CREM: variants seen among roughly 807,000 people sequenced by gnomAD.
CREM encodes the protein cAMP-responsive element modulator.
In CREM, 13 loss-of-function variants were observed where a neutral mutation model predicts 37.3. The ratio of observed to expected loss-of-function variants is 0.35; its 90% confidence interval spans 0.23 to 0.55. The LOEUF (loss-of-function observed/expected upper bound fraction) is 0.55. Among genes scored for constraint, CREM ranks in the 20% least tolerant of loss-of-function variants. CREM has a pLI of 0.88. For missense variants in CREM, 296 were observed against 362.3 expected (o/e 0.82, Z 1.49); for synonymous variants, 124 against 120.2 (o/e 1.03, Z -0.21).
intron 2 of CREM, among the ~76,000 whole-genome samples, chr10:35,139,227 T>G (rs572483766): frequency 1.1e-4 from 17 of 152,126 alleles, no homozygotes; most frequent in Non-Finnish European, 2.2e-4. Context: ...TTCAAGTGAT[T>G]CTTGTGCCTC....
chr10:35,211,641 T>C lies in CREM; in HGVS notation c.*243T>C. The stretch of plus-strand genomic sequence containing the variant: ...AAAAATGCTTTGTTTGCCCTTTGCT[T>C]CTGCTTTTTTTCAGGGAAGCTGCCA... On this transcript the variant is annotated 3_prime_UTR_variant, in exon 8 of 8. Transcript: ENST00000685392. 3 of 1,608,242 alleles carry C rather than the reference T, an allele frequency of 1.9e-6. No homozygotes were observed. The highest frequency in any genetic ancestry group is 2.5e-6 in the Non-Finnish European group (3 of 1,178,094).
intron 6 of CREM, chr10:35,201,317 TAAG>T (rs751102533): frequency 5.5e-5 from 48 of 874,834 alleles, no homozygotes; most frequent in Middle Eastern, 2.2e-4. Context: ...TTTCAGAACT[TAAG>T]GAGGGGAAGA....
At chr10:35,147,755 A>G (rs932695716) in intron 2 of CREM, among the ~76,000 whole-genome samples, 2 of 152,244 alleles carry the variant, frequency 1.3e-5, no homozygotes, top group South Asian at 4.1e-4. Flanking sequence ...CAGCAGGGTT[A>G]AAGTAATGAT....
chr10:35,169,857 G>C (rs1240658270), intron 3 of CREM, among the ~76,000 whole-genome samples: 1 of 151,796 alleles, frequency 6.6e-6, no homozygotes, highest in Non-Finnish European at 1.5e-5. Flanking sequence ...TAATCATGTG[G>C]TTTTTGTCTT....
At chr10:35,134,454 C>G (rs993211472) in intron 1 of CREM, among the ~76,000 whole-genome samples, 1 of 152,026 alleles carries the variant, frequency 6.6e-6, no homozygotes, top group Non-Finnish European at 1.5e-5. Context: ...TGACCTCAGG[C>G]GATCTGCCCG....
chr10:35,171,678 C>G (rs147217138), intron 3 of CREM, among the ~76,000 whole-genome samples: 42 of 152,282 alleles, frequency 2.8e-4, no homozygotes, highest in African/African-American at 9.9e-4. Flanking sequence ...ACCCACAGGT[C>G]TAGTTTGTGA....
At chr10:35,205,600 T>G (rs2095500549) in intron 6 of CREM, among the ~76,000 whole-genome samples, 1 of 152,210 alleles carries the variant, frequency 6.6e-6, no homozygotes, top group Non-Finnish European at 1.5e-5. Context: ...GGAGATATTC[T>G]GCTTAATGGA....
chr10:35,140,783 A>G (rs955832339), intron 2 of CREM, among the ~76,000 whole-genome samples: 3 of 152,224 alleles, frequency 2.0e-5, no homozygotes, highest in Non-Finnish European at 2.9e-5. Context: ...TGCCAGTTGG[A>G]CAAAGAAGGG....
intron 1 of CREM, among the ~76,000 whole-genome samples, chr10:35,134,888 AT>A (rs1353278823): frequency 6.6e-6 from 1 of 151,922 alleles, no homozygotes; most frequent in African/African-American, 2.4e-5. Flanking sequence ...AAATACAAAA[AT>A]TAGCCGAGCA....
intron 6 of CREM, among the ~76,000 whole-genome samples, chr10:35,198,190 T>C (rs2095270412): frequency 6.6e-6 from 1 of 152,078 alleles, no homozygotes; most frequent in Non-Finnish European, 1.5e-5. Flanking sequence ...GGAAAAGATA[T>C]TAGCAGCATT....
intron 2 of CREM, among the ~76,000 whole-genome samples, chr10:35,145,538 T>C (rs183489497): frequency 6.6e-6 from 1 of 152,286 alleles, no homozygotes; most frequent in Non-Finnish European, 1.5e-5. Context: ...CCCAGCACTT[T>C]GGGAGGCCAA....
At chr10:35,180,474 G>A (rs2094306752) in intron 5 of CREM, among the ~76,000 whole-genome samples, 1 of 152,136 alleles carries the variant, frequency 6.6e-6, no homozygotes, top group Non-Finnish European at 1.5e-5. Flanking sequence ...TAGATTTGCA[G>A]TAGTAAACTA....
At chr10:35,165,701 G>A (rs1023558688) in intron 3 of CREM, among the ~76,000 whole-genome samples, 2 of 151,028 alleles carry the variant, frequency 1.3e-5, no homozygotes, top group East Asian at 1.9e-4. Flanking sequence ...CATTTTTATA[G>A]TACTTTAATA....
chr10:35,200,808 A>C (rs1451942727), intron 6 of CREM, among the ~76,000 whole-genome samples: 1 of 152,236 alleles, frequency 6.6e-6, no homozygotes, highest in East Asian at 1.9e-4. Flanking sequence ...ATATGAAAAC[A>C]GGAACTCTCT....
intron 2 of CREM, among the ~76,000 whole-genome samples, chr10:35,140,350 T>G (rs2135711714): frequency 6.6e-6 from 1 of 152,284 alleles, no homozygotes; most frequent in East Asian, 1.9e-4. Context: ...AAACTGTAAT[T>G]CGCAGGGCAC....
At position 35,206,969 on chromosome 10, in the gene CREM, G is replaced by A; in HGVS notation, c.673G>A (p.Ala225Thr). 6.2e-7 allele frequency: 1 copy of A among 1,614,066 alleles called. No homozygotes were observed. Among genetic ancestry groups the A allele is most frequent in the Non-Finnish European group, 8.5e-7 (1 of 1,180,020 alleles). ...AALPQGVVMA[A>T]SPGSLHSPQQ... ...TTTGCCACAGGGAGTGGTGATGGCT[G>A]CATCGCCCGGAAGTTTGCACAGTCC... Residue 225 changes from alanine (A) to threonine (T), a missense_variant, in exon 7 of 8, where the codon GCA becomes ACA. Ala to Thr is a moderately conservative substitution (Grantham distance 58). Around this residue, in one of 2 missense-constraint regions of CREM, gnomAD observed 257 missense variants for 280.2 expected, o/e 0.92. Transcript: ENST00000685392.
intron 3 of CREM, among the ~76,000 whole-genome samples, chr10:35,161,276 A>G (rs2093277547): frequency 6.6e-6 from 1 of 152,154 alleles, no homozygotes; most frequent in Non-Finnish European, 1.5e-5. Flanking sequence ...ATGGGATTAC[A>G]GTCGTGCATC....
At chr10:35,188,569 T>G (rs1341209109) in intron 6 of CREM, 181 bp downstream of exon 6, 1 of 484,966 alleles carries the variant, frequency 2.1e-6, no homozygotes, top group Non-Finnish European at 3.4e-6. Context: ...AGTTTTATCA[T>G]TTTTCGCCTT....
At chr10:35,143,906 C>T (rs1402950014) in intron 2 of CREM, among the ~76,000 whole-genome samples, 4 of 152,056 alleles carry the variant, frequency 2.6e-5, no homozygotes, top group East Asian at 3.9e-4. Flanking sequence ...TAGCATATTG[C>T]TGGAATTTGG....
Sources: allele counts gnomAD v4.1 joint callset (sites outside exome capture counted in the v4.1 genomes callset), GRCh38; gene constraint gnomAD v4.1.1; regional missense constraint gnomAD v4.1.1; transcripts MANE v1.5; gene names NCBI Gene and HGNC (gene_info 2026-07-23, HGNC 2026-07-21).